The following TMEM196 variants were observed in gnomAD, a reference collection of about 807,000 sequenced individuals.
The protein encoded by TMEM196 is transmembrane protein 196.
TMEM196 carries 17 observed loss-of-function variants against 20.0 expected under a neutral mutation model. That is an observed-to-expected ratio of 0.85 (90% CI 0.58 to 1.27). The LOEUF (loss-of-function observed/expected upper bound fraction) is 1.27, where lower values mean the gene tolerates loss of function less well. Ranked by LOEUF, TMEM196 falls within the 50% of genes most tolerant of loss-of-function variation. TMEM196 has a pLI of 0.00. For missense variants in TMEM196, 267 were observed against 223.0 expected, an observed-to-expected ratio of 1.20 and a Z score of -1.26; for synonymous variants, 113 against 88.9, an observed-to-expected ratio of 1.27 and a Z score of -1.52.
At chr7:19,771,893 A>G (rs905031069) in intron 1 of TMEM196, among the ~76,000 whole-genome samples, 3 of 152,198 alleles carry the variant, frequency 2.0e-5, no homozygotes, top group Non-Finnish European at 2.9e-5. Context: ...TTACCATCTG[A>G]TGTTTTTCTA....
At chr7:19,734,349 G>A (rs1476559528) in intron 1 of TMEM196, among the ~76,000 whole-genome samples, 1 of 152,164 alleles carries the variant, frequency 6.6e-6, no homozygotes, top group African/African-American at 2.4e-5. Flanking sequence ...TTGGCCAAGG[G>A]CATGGTGGTA....
At chr7:19,752,354 A>T (rs544370125) in intron 1 of TMEM196, among the ~76,000 whole-genome samples, 22 of 152,204 alleles carry the variant, frequency 1.4e-4, no homozygotes, top group African/African-American at 5.1e-4. Flanking sequence ...GACACTATTG[A>T]TTCCCCTCTC....
At chr7:19,734,955 T>C (rs1784345626) in intron 1 of TMEM196, among the ~76,000 whole-genome samples, 1 of 151,956 alleles carries the variant, frequency 6.6e-6, no homozygotes, top group African/African-American at 2.4e-5. Context: ...AAGCACAAAA[T>C]AAAAAACAGT....
chr7:19,772,210 C>T (rs926486723), intron 1 of TMEM196, among the ~76,000 whole-genome samples: 1 of 151,246 alleles, frequency 6.6e-6, no homozygotes, highest in African/African-American at 2.4e-5. Flanking sequence ...AGGTGTGACA[C>T]CCCCCTCCCC....
chr7:19,762,530 A>G (rs992614517), intron 1 of TMEM196, among the ~76,000 whole-genome samples: 1 of 152,138 alleles, frequency 6.6e-6, no homozygotes, highest in South Asian at 2.1e-4. Context: ...AACTTAAAGT[A>G]GTTTTATATT....
rs150201023 is a variant in TMEM196 at position 19,730,032 on chromosome 7, G to A, written c.148-594C>T. Among the ~76,000 whole-genome samples the A allele has an allele frequency of 5.8e-3, 879 of 152,172 alleles. 6 individuals are homozygous for A. Among genetic ancestry groups the A allele is most frequent in the African/African-American group, 0.02 (820 of 41,512 alleles). ...AGTACTTTGGGAGGTCATGGTGGACGGATCACAAGGTCAGGAGATCGAGAC... is the reference window on the plus strand; with the variant it reads ...AGTACTTTGGGAGGTCATGGTGGACAGATCACAAGGTCAGGAGATCGAGAC... On this transcript the variant is annotated intron_variant, in intron 1 of 4. Coordinates refer to ENST00000405844, the MANE Select transcript of TMEM196 (RefSeq NM_001363562.2).
rs1012029640 is a variant in TMEM196, at chr7:19,724,151, G to A, written c.533+129C>T. ...CTCTGCAAAGTAAGCGCTTACGAAAGCGATACTTTGAGAAACAACATTAAA... is the reference window on the plus strand; with the variant it reads ...CTCTGCAAAGTAAGCGCTTACGAAAACGATACTTTGAGAAACAACATTAAA... On this transcript the variant is annotated intron_variant, in intron 4 of 4. Transcript: ENST00000405844. 6.1e-6 allele frequency: 5 copies of A among 825,434 alleles called. No individual in the cohort carries two copies. The African/African-American group carries it at 6.9e-5, about 11-fold the overall frequency. 51.1% of individuals were successfully genotyped at this position (825,434 alleles called of 1,614,324 possible). A position where few individuals can be genotyped will look rare whatever the true frequency, so the allele number is the denominator to read the frequency against.
intron 1 of TMEM196, among the ~76,000 whole-genome samples, chr7:19,769,941 G>T (rs1313983503): frequency 6.6e-6 from 1 of 152,090 alleles, no homozygotes; most frequent in Non-Finnish European, 1.5e-5. Context: ...AGGGCCAACT[G>T]TATTTAATTT....
chr7:19,750,950 T>G (rs145011944), intron 1 of TMEM196, among the ~76,000 whole-genome samples: 164 of 152,260 alleles, frequency 1.1e-3, no homozygotes, highest in African/African-American at 3.7e-3. Flanking sequence ...GTGGATCAAG[T>G]TAAGAGGAAT....
intron 1 of TMEM196, among the ~76,000 whole-genome samples, chr7:19,769,748 T>C (rs1333392087): frequency 1.3e-5 from 2 of 152,182 alleles, no homozygotes; most frequent in African/African-American, 4.8e-5. Flanking sequence ...AAATACAGTA[T>C]AACAACTATT....
intron 1 of TMEM196, among the ~76,000 whole-genome samples, chr7:19,731,767 A>G (rs1203075518): frequency 6.6e-6 from 1 of 152,158 alleles, no homozygotes; most frequent in East Asian, 1.9e-4. Flanking sequence ...TCTCACTTCA[A>G]TTGGATGGAG....
At chr7:19,729,765 T>A (rs1229607754) in intron 1 of TMEM196, among the ~76,000 whole-genome samples, 3 of 152,182 alleles carry the variant, frequency 2.0e-5, no homozygotes, top group African/African-American at 7.2e-5. Flanking sequence ...GGGAGAAAAG[T>A]GGTGTGATAC....
intron 1 of TMEM196, among the ~76,000 whole-genome samples, chr7:19,740,871 A>G (rs1365266840): frequency 6.6e-6 from 1 of 152,168 alleles, no homozygotes. Flanking sequence ...AATTAAGCCT[A>G]TCATGGAAGA....
At position 19,724,369 on chromosome 7, in the gene TMEM196, C is replaced by CAAATATTGCACAATATATACAGAAATA. The variant is rs1783916406; in HGVS notation, c.460-17_460-16insTATTTCTGTATATATTGTGCAATATTT. ...CCCTCAATCTCTAATGTAAATATAA[C>CAAATATTGCACAATATATACAGAAATA]AATCATACAATAAATATTGCACAAA... On this transcript the variant is annotated splice_polypyrimidine_tract_variant and intron_variant, in intron 3 of 4. Transcript: ENST00000405844. The CAAATATTGCACAATATATACAGAAATA allele has an allele frequency of 1.3e-6, 2 of 1,548,124 alleles. No individual in the cohort carries two copies. The highest frequency in any genetic ancestry group is 1.7e-6 in the Non-Finnish European group (2 of 1,145,074).
intron 1 of TMEM196, among the ~76,000 whole-genome samples, chr7:19,757,690 T>C (rs1194396467): frequency 6.6e-6 from 1 of 152,126 alleles, no homozygotes; most frequent in Non-Finnish European, 1.5e-5. Context: ...TCCTTTTTTT[T>C]ACTCCAAAGT....
rs1783809512 is a variant in TMEM196 at position 19,721,431 on chromosome 7, A to G, written c.*697T>C. ...TGCACAGTATGATCAAAACATGTTT[A>G]TTTTCTTAAATGATATTCACATATA... On this transcript the variant is annotated 3_prime_UTR_variant, in exon 5 of 5. Coordinates refer to ENST00000405844, the MANE Select transcript of TMEM196 (RefSeq NM_001363562.2). The G allele has an allele frequency of 1.3e-5, 2 of 152,138 alleles. No homozygotes were observed. Among genetic ancestry groups the G allele is most frequent in the Admixed American group, 1.3e-4 (2 of 15,258 alleles). 9.4% of individuals were successfully genotyped at this position (152,138 alleles called of 1,614,324 possible).
Position 19,736,352 on chromosome 7 carries a change from A to ATTATATAT in TMEM196, c.148-6915_148-6914insATATATAA, listed in dbSNP as rs1562612121. Among the ~76,000 whole-genome samples the ATTATATAT allele has an allele frequency of 1.3e-3, 131 of 103,968 alleles. 3 individuals carry two copies. Among genetic ancestry groups the ATTATATAT allele is most frequent in the Non-Finnish European group, 1.9e-3 (87 of 45,252 alleles). 68.2% of individuals were successfully genotyped at this position (103,968 alleles called of 152,430 possible). On this transcript the variant is annotated intron_variant, in intron 1 of 4. Coordinates refer to ENST00000405844, the MANE Select transcript of TMEM196 (RefSeq NM_001363562.2). ...AGATCCCACTTTTCTAGTGGTTCCT[A>ATTATATAT]CTATATATATATATATATATATATA...
intron 1 of TMEM196, among the ~76,000 whole-genome samples, chr7:19,750,075 G>A (rs1040203994): frequency 6.6e-6 from 1 of 152,140 alleles, no homozygotes; most frequent in Non-Finnish European, 1.5e-5. Context: ...TAAGACAAGA[G>A]CACCATTAAC....
intron 1 of TMEM196, 66 bp downstream of exon 1, chr7:19,772,484 G>C: frequency 7.1e-7 from 1 of 1,415,314 alleles, no homozygotes; most frequent in South Asian, 1.5e-5. Flanking sequence ...CGCGCACCCT[G>C]ACCATCACCG....
Sources: gnomAD v4.1 joint callset for allele counts (sites outside exome capture counted in the v4.1 genomes callset) on GRCh38, gnomAD v4.1.1 for gene constraint, MANE v1.5 for transcripts, NCBI Gene and HGNC (gene_info 2026-07-23, HGNC 2026-07-21) for gene names.